Variants in TSG101 observed in about 807,000 individuals in gnomAD.
The protein encoded by TSG101 is tumor susceptibility gene 101 protein.
In TSG101, 19 loss-of-function variants were observed where a neutral mutation model predicts 48.5. The ratio of observed to expected loss-of-function variants is 0.39; its 90% CI spans 0.27 to 0.58. The LOEUF (loss-of-function observed/expected upper bound fraction) is 0.58, where lower values mean the gene tolerates loss of function less well. Ranked by LOEUF, TSG101 falls within the 20% of genes least tolerant of loss-of-function variation. The pLI, the probability that TSG101 is intolerant of heterozygous loss-of-function variation, is 0.55. For synonymous variants in TSG101, 174 were observed against 169.4 expected, an observed-to-expected ratio of 1.03 and a Z score of -0.21; for missense variants, 365 against 484.4, an observed-to-expected ratio of 0.75 and a Z score of 2.31.
intron 6 of TSG101, among the ~76,000 whole-genome samples, chr11:18,505,965 G>A (rs1369847520): frequency 6.6e-6 from 1 of 151,824 alleles, no homozygotes; most frequent in Middle Eastern, 3.2e-3. Context: ...TTACAGGCAT[G>A]TGCCACCATG....
chr11:18,498,050 C>T (rs1849811044), intron 7 of TSG101, among the ~76,000 whole-genome samples: 1 of 149,866 alleles, frequency 6.7e-6, no homozygotes, highest in Admixed American at 6.7e-5. Context: ...ATACCAAGCA[C>T]TCTTCTGGAT....
chr11:18,512,452 A>C (rs1045656015), intron 4 of TSG101, among the ~76,000 whole-genome samples: 4 of 152,150 alleles, frequency 2.6e-5, no homozygotes, highest in Non-Finnish European at 4.4e-5. Flanking sequence ...ATTTTCTTGA[A>C]TGCACTGATC....
chr11:18,480,700 A>G, intron 9 of TSG101, 65 bp from the exon 10 acceptor site: 2 of 1,445,628 alleles, frequency 1.4e-6, no homozygotes, highest in South Asian at 1.2e-5. Context: ...CATAAAATAG[A>G]CAATTTGTAA....
intron 1 of TSG101, among the ~76,000 whole-genome samples, chr11:18,522,934 A>C (rs1850302712): frequency 1.3e-5 from 2 of 152,110 alleles, no homozygotes; most frequent in South Asian, 4.1e-4. Context: ...CTGTCACCCA[A>C]GCTGGAGTAC....
chr11:18,511,550 C>G (rs866098755), intron 4 of TSG101: 2 of 152,320 alleles, frequency 1.3e-5, no homozygotes, highest in Middle Eastern at 6.8e-3. Context: ...GGGATGGCCA[C>G]TGAGACCACA....
intron 1 of TSG101, among the ~76,000 whole-genome samples, chr11:18,525,250 C>G (rs1302662201): frequency 3.9e-5 from 6 of 151,950 alleles, no homozygotes; most frequent in African/African-American, 1.4e-4. Context: ...ATTTAAAGAT[C>G]AAAAATGTCA....
At chr11:18,483,849 A>G in intron 8 of TSG101, 21 bp downstream of exon 8, 1 of 1,612,934 alleles carries the variant, frequency 6.2e-7, no homozygotes, top group South Asian at 1.1e-5. Flanking sequence ...AAAAATTTTA[A>G]GTCTTTAATG....
At chr11:18,515,558 C>T (rs939307238) in intron 3 of TSG101, among the ~76,000 whole-genome samples, 28 of 152,198 alleles carry the variant, frequency 1.8e-4, no homozygotes, top group African/African-American at 6.8e-4. Flanking sequence ...TAAATAACAG[C>T]TACTTTTAAC....
chr11:18,489,423 T>G (rs1015345403), intron 7 of TSG101, among the ~76,000 whole-genome samples: 1 of 152,158 alleles, frequency 6.6e-6, no homozygotes, highest in Non-Finnish European at 1.5e-5. Flanking sequence ...TTAAAGGTAT[T>G]ATCCAGGAAA....
Position 18,525,673 on chromosome 11 carries a change from C to A in TSG101, c.42+1102G>T, listed in dbSNP as rs1260089869. On this transcript the variant is annotated intron_variant, in intron 1 of 9. Coordinates refer to ENST00000251968, the MANE Select transcript of TSG101 (RefSeq NM_006292.4). ...CATGGATCTTTACCTGGGTCACAAT[C>A]TTCTATGGCTTCCCATATGTCTTCT... 4.1e-6 allele frequency: 4 copies of A among 984,346 alleles called. No homozygotes were observed. In the African/African-American group the frequency reaches 5.3e-5, roughly 13 times the overall value. The allele number at this position is 984,346 out of a possible 1,614,324, so 61.0% of individuals were successfully genotyped here.
intron 9 of TSG101, among the ~76,000 whole-genome samples, chr11:18,481,007 G>A (rs1042649667): frequency 6.6e-6 from 1 of 152,190 alleles, no homozygotes; most frequent in African/African-American, 2.4e-5. Flanking sequence ...AGTGAGAGGA[G>A]ATAGGCAAGA....
chr11:18,521,748 T>A (rs962624202), intron 1 of TSG101, among the ~76,000 whole-genome samples: 2 of 139,986 alleles, frequency 1.4e-5, no homozygotes, highest in Non-Finnish European at 3.1e-5. Context: ...GTGATCTCAG[T>A]TCACTGCAAC....
At chr11:18,501,291 T>A (rs1318856403) in intron 7 of TSG101, among the ~76,000 whole-genome samples, 1 of 152,370 alleles carries the variant, frequency 6.6e-6, no homozygotes, top group East Asian at 1.9e-4. Context: ...TTGATTTTTG[T>A]ATGTGGTACA....
At chr11:18,525,585 C>A in intron 1 of TSG101, 6 of 346,596 alleles carry the variant, frequency 1.7e-5, no homozygotes, top group Non-Finnish European at 2.4e-5. Flanking sequence ...AGATACTCTT[C>A]AGTTACATAC....
At chr11:18,513,939 T>A (rs1850127515) in intron 4 of TSG101, among the ~76,000 whole-genome samples, 1 of 152,090 alleles carries the variant, frequency 6.6e-6, no homozygotes, top group Non-Finnish European at 1.5e-5. Flanking sequence ...AACTTTTGTA[T>A]TTGGTGGTGG....
intron 6 of TSG101, among the ~76,000 whole-genome samples, chr11:18,503,500 G>A (rs558789187): frequency 4.6e-5 from 7 of 151,716 alleles, no homozygotes; most frequent in Non-Finnish European, 8.8e-5. Context: ...AGCCTCCTGA[G>A]TAGCTGGGAC....
intron 2 of TSG101, among the ~76,000 whole-genome samples, chr11:18,517,188 T>C (rs1565094654): frequency 1.3e-5 from 2 of 151,610 alleles, no homozygotes; most frequent in Admixed American, 6.6e-5. Flanking sequence ...TGCCCAGCTT[T>C]TTTTTTTTTT....
intron 7 of TSG101, among the ~76,000 whole-genome samples, chr11:18,495,138 T>C (rs991140558): frequency 2.0e-5 from 3 of 152,232 alleles, no homozygotes; most frequent in Non-Finnish European, 4.4e-5. Context: ...CTTGTTTATT[T>C]GATTTTTAGG....
chr11:18,482,190 A>G (rs3781640), intron 8 of TSG101, among the ~76,000 whole-genome samples: 17,194 of 152,276 alleles, frequency 0.11, 1,229 homozygotes, highest in South Asian at 0.24. Context: ...GTTCCTTTAC[A>G]TAGAAAATCA....
Sources: allele counts gnomAD v4.1 joint callset (sites outside exome capture counted in the v4.1 genomes callset), GRCh38; gene constraint gnomAD v4.1.1; transcripts MANE v1.5; gene names NCBI Gene and HGNC (gene_info 2026-07-23, HGNC 2026-07-21).